KCNV2: variants seen among roughly 807,000 people sequenced by gnomAD.
The protein encoded by KCNV2 is potassium voltage-gated channel subfamily V member 2.
A neutral mutation model predicts 37.0 loss-of-function variants in KCNV2; 65 were observed. The ratio of observed to expected loss-of-function variants is 1.76; its 90% confidence interval spans 1.44 to 2.16. The LOEUF (loss-of-function observed/expected upper bound fraction) is 2.16, where lower values mean the gene tolerates loss of function less well. Among genes scored for constraint, KCNV2 ranks in the 30% most tolerant of loss-of-function variants. The pLI is 0.00. For synonymous variants in KCNV2, 518 were observed against 328.6 expected (o/e 1.58, Z -6.23); for missense variants, 1,232 against 766.7 (o/e 1.61, Z -7.17).
chr9:2,720,073 AAGTAGATTGTAAT>A (rs1819838481), intron 1 of KCNV2, among the ~76,000 whole-genome samples: 1 of 152,268 alleles, frequency 6.6e-6, no homozygotes, highest in African/African-American at 2.4e-5. Flanking sequence ...TTCTTTTGAA[AAGTAGATTGTAAT>A]ACCTTTAAAG....
Position 2,729,888 on chromosome 9 carries a change from A to G in KCNV2, c.*161A>G. The stretch of plus-strand genomic sequence containing the variant: ...CCTCTAGAAATACTCATTTTGGCCC[A>G]AACTCAGAATGTCTCATAGTTGCTC... On this transcript the variant is annotated 3_prime_UTR_variant, in exon 2 of 2. Coordinates refer to ENST00000382082, the MANE Select transcript of KCNV2 (RefSeq NM_133497.4). 1 of 723,908 alleles carries G rather than the reference A, an allele frequency of 1.4e-6. No individual in the cohort carries two copies. Among genetic ancestry groups the G allele is most frequent in the South Asian group, 1.7e-5 (1 of 58,868 alleles). The allele number at this position is 723,908 out of a possible 1,614,324, so 44.8% of individuals were successfully genotyped here. A position where few individuals can be genotyped will look rare whatever the true frequency, so the allele number is the denominator to read the frequency against.
At chr9:2,726,772 T>C (rs1563799697) in intron 1 of KCNV2, among the ~76,000 whole-genome samples, 1 of 152,034 alleles carries the variant, frequency 6.6e-6, no homozygotes, top group African/African-American at 2.4e-5. Context: ...AGGAGATGAG[T>C]GGAGGGCCAT....
Position 2,718,189 on chromosome 9 carries a change from C to T in KCNV2, c.450C>T (p.Phe150=), listed in dbSNP as rs1302233747. 1 of 1,613,396 alleles carries T rather than the reference C, an allele frequency of 6.2e-7. No individual in the cohort carries two copies. Residue 150 remains phenylalanine (F), a synonymous_variant, in exon 1 of 2, where the codon TTC becomes TTT. Coordinates refer to ENST00000382082, the MANE Select transcript of KCNV2 (RefSeq NM_133497.4). ...DDYEEQTDEY[F]FDRDPAVFQL... ...ACGAGGAGCAGACAGACGAATACTT[C>T]TTCGACCGCGACCCGGCCGTCTTCC...
In KCNV2 at chr9:2,729,690, G is replaced by GA. The variant is rs775906751; in HGVS notation, c.1603dup (p.Ser535LysfsTer21). 1.2e-6 allele frequency: 2 copies of GA among 1,614,098 alleles called. No individual in the cohort carries two copies. The highest frequency in any genetic ancestry group is 1.7e-6 in the Non-Finnish European group (2 of 1,179,994). ...AAGAAGATAGCTGAGTGTTTGCTTG[G>GA]AAGCAACCCACAGCTCACCCCAAGA... is the stretch of plus-strand genomic sequence containing the variant. On this transcript the variant is annotated frameshift_variant, in exon 2 of 2. Transcript: ENST00000382082. LOFTEE classifies it high-confidence loss of function.
Position 2,717,922 on chromosome 9 carries a change from C to G in KCNV2, c.183C>G (p.Gly61=), listed in dbSNP as rs10967705. The G allele has an allele frequency of 0.58, 933,905 of 1,613,780 alleles. 273,511 individuals carry two copies. The highest frequency in any genetic ancestry group is 0.81 in the East Asian group (36,169 of 44,842). The change falls in exon 1 of 2, where the codon GGC becomes GGG. Residue 61 remains glycine (G), a synonymous_variant. Transcript: ENST00000382082. ...YNYYIEEDED[G]EEEDQWKDDL... ...ACTACATCGAGGAAGACGAAGACGG[C>G]GAGGAGGAGGACCAGTGGAAGGACG...
rs150685794 is a variant in KCNV2, at chr9:2,718,051, T to C, written c.312T>C (p.Gly104=). The change falls in exon 1 of 2, where the codon GGT becomes GGC. Residue 104 remains glycine, a synonymous_variant. Transcript: ENST00000382082. ...TGTCCACGCTGAATGTGAACGTGGG[T>C]GGCCACAGCTACCAGCTGGACTACT... The part of the protein sequence containing the change: ...ALLSTLNVNV[G]GHSYQLDYCE... The C allele has an allele frequency of 8.6e-4, 1,380 of 1,608,950 alleles. 5 individuals carry two copies. The African/African-American group carries it at 0.016, about 19-fold the overall frequency.
In KCNV2 at chr9:2,718,098, A is replaced by T. The variant is rs1199220423; in HGVS notation, c.359A>T (p.Lys120Met). The change falls in exon 1 of 2, where the codon AAG becomes ATG. Residue 120 changes from lysine to methionine, a missense_variant. By Grantham distance (95) the Lys-to-Met change is moderately conservative (BLOSUM62 -1). Coordinates refer to ENST00000382082, the MANE Select transcript of KCNV2 (RefSeq NM_133497.4). ...TACTGCGAGCTGGCCGGCTTCCCCA[A>T]GACGCGCCTAGGTCGCCTGGCCACC... ...LDYCELAGFP[K>M]TRLGRLATST... is the part of the protein sequence containing the mutation. The T allele has an allele frequency of 1.3e-6, 2 of 1,599,818 alleles. No individual in the cohort carries two copies. Among genetic ancestry groups the T allele is most frequent in the Non-Finnish European group, 1.7e-6 (2 of 1,173,108 alleles).
At position 2,718,970 on chromosome 9, in the gene KCNV2, G is replaced by T; in HGVS notation, c.1231G>T (p.Val411Leu). ...CACGCTGCGCCAGTGCTACCAGCAG[G>T]TGGGCTGCCTGCTGCTCTTCATCGC... Reference protein sequence around the residue: ...GFTLRQCYQQVGCLLLFIAMG... With the variant: ...GFTLRQCYQQLGCLLLFIAMG... The change falls in exon 1 of 2, where the codon GTG becomes TTG. Residue 411 changes from valine (V) to leucine (L), a missense_variant. Physicochemically the swap from Val to Leu is conservative, Grantham distance 32. Coordinates refer to ENST00000382082, the MANE Select transcript of KCNV2 (RefSeq NM_133497.4). 6.2e-7 allele frequency: 1 copy of T among 1,611,322 alleles called. No homozygotes were observed. The highest frequency in any genetic ancestry group is 2.2e-5 in the East Asian group (1 of 44,876).
rs1586687305 is a variant in KCNV2 at position 2,718,542 on chromosome 9, C to T, written c.803C>T (p.Thr268Ile). Reference sequence around the variant, plus strand: ...AAGGCCATCGGGGTGGCCTCCAGCACCTTCGTGCTCGTCTCCGTGGTGGCG... The same window carrying T: ...AAGGCCATCGGGGTGGCCTCCAGCATCTTCGTGCTCGTCTCCGTGGTGGCG... ...AAKAIGVASS[T>I]FVLVSVVALA... The change falls in exon 1 of 2, where the codon ACC becomes ATC. Residue 268 changes from threonine to isoleucine, a missense_variant. Thr to Ile is a moderately conservative substitution (Grantham distance 89, BLOSUM62 -1). Coordinates refer to ENST00000382082, the MANE Select transcript of KCNV2 (RefSeq NM_133497.4). 6.2e-7 allele frequency: 1 copy of T among 1,611,806 alleles called. No homozygotes were observed. The highest frequency in any genetic ancestry group is 2.2e-5 in the East Asian group (1 of 44,808).
Position 2,718,467 on chromosome 9 carries a change from G to C in KCNV2, c.728G>C (p.Arg243Pro). 1 of 1,608,662 alleles carries C rather than the reference G, an allele frequency of 6.2e-7. No homozygotes were observed. Among genetic ancestry groups the C allele is most frequent in the Non-Finnish European group, 8.5e-7 (1 of 1,178,274 alleles). ...FRDMRFYGPQ[R>P]RRLWNLMEKP... Reference sequence around the variant, plus strand: ...GACATGCGCTTCTACGGCCCGCAGCGGCGCCGCCTCTGGAACCTCATGGAG... The same window carrying C: ...GACATGCGCTTCTACGGCCCGCAGCCGCGCCGCCTCTGGAACCTCATGGAG... The change falls in exon 1 of 2, where the codon CGG becomes CCG. Residue 243 changes from arginine (R) to proline (P), a missense_variant. By Grantham distance (103) the Arg-to-Pro change is moderately radical. Transcript: ENST00000382082.
chr9:2,729,619 C>T lies in KCNV2; in HGVS notation c.1530C>T (p.Thr510=), dbSNP rs1820031377. ...AGCTGAAGGCTTATGAGTATACCAC[C>T]ATACGCAGGGAGAGGGGAGAGGTGA... The part of the protein sequence containing the change: ...YSKLKAYEYT[T]IRRERGEVNF... The change falls in exon 2 of 2, where the codon ACC becomes ACT. Residue 510 remains threonine, a synonymous_variant. Coordinates refer to ENST00000382082, the MANE Select transcript of KCNV2 (RefSeq NM_133497.4). The T allele has an allele frequency of 3.1e-6, 5 of 1,614,050 alleles. No homozygotes were observed. The highest frequency in any genetic ancestry group is 4.2e-6 in the Non-Finnish European group (5 of 1,179,980).
intron 1 of KCNV2, among the ~76,000 whole-genome samples, chr9:2,719,818 A>T (rs12350956): frequency 0.046 from 7,050 of 152,286 alleles, 575 homozygotes; most frequent in African/African-American, 0.16. Context: ...ACCCAAGCAC[A>T]GTCTCTTTCA....
At position 2,722,362 on chromosome 9, in the gene KCNV2, A is replaced by AATAAATTAGAAGTTATTT. The variant is rs1272873203; in HGVS notation, c.1356+3274_1356+3291dup. On this transcript the variant is annotated intron_variant, in intron 1 of 1. Coordinates refer to ENST00000382082, the MANE Select transcript of KCNV2 (RefSeq NM_133497.4). The stretch of plus-strand genomic sequence containing the variant: ...ATAAATAAATTAGAAGTTATTTATA[A>AATAAATTAGAAGTTATTT]ATAAATTAGAAGTTATTTATAAATA... Among the ~76,000 whole-genome samples, 589 of 138,348 alleles carry AATAAATTAGAAGTTATTT rather than the reference A, an allele frequency of 4.3e-3. 66 individuals carry two copies. The highest frequency in any genetic ancestry group is 0.016 in the African/African-American group (554 of 34,896). 90.8% of individuals were successfully genotyped at this position (138,348 alleles called of 152,430 possible).
rs199694482 is a variant in KCNV2 at position 2,717,898 on chromosome 9, C to T, written c.159C>T (p.Tyr53=). Residue 53 remains tyrosine, a synonymous_variant, in exon 1 of 2, where the codon TAC becomes TAT. Transcript: ENST00000382082. ...GCTGGACAGAGGGCAACTATAACTA[C>T]TACATCGAGGAAGACGAAGACGGCG... The part of the protein sequence containing the change: ...IHGWTEGNYN[Y]YIEEDEDGEE... 243 of 1,614,094 alleles carry T rather than the reference C, an allele frequency of 1.5e-4. 1 individual carries two copies. The highest frequency in any genetic ancestry group is 2.0e-4 in the Non-Finnish European group (236 of 1,180,040).
intron 1 of KCNV2, among the ~76,000 whole-genome samples, chr9:2,724,957 T>C (rs1466544152): frequency 3.3e-5 from 5 of 152,208 alleles, no homozygotes; most frequent in African/African-American, 4.8e-5. Context: ...ACAGGAGCTA[T>C]AGACGGGGTA....
intron 1 of KCNV2, among the ~76,000 whole-genome samples, chr9:2,722,879 A>ATG (rs1819904829): frequency 6.6e-6 from 1 of 151,758 alleles, no homozygotes; most frequent in Non-Finnish European, 1.5e-5. Context: ...CAGCAGCCAC[A>ATG]TGTCGATGGC....
intron 1 of KCNV2, among the ~76,000 whole-genome samples, chr9:2,727,801 C>T (rs1426248112): frequency 2.0e-5 from 3 of 152,168 alleles, no homozygotes; most frequent in African/African-American, 7.2e-5. Context: ...GTAGATACCA[C>T]ACATTTCAAA....
chr9:2,720,122 C>G (rs1421740075), intron 1 of KCNV2, among the ~76,000 whole-genome samples: 1 of 152,192 alleles, frequency 6.6e-6, no homozygotes, highest in Non-Finnish European at 1.5e-5. Flanking sequence ...AACTAGTTTT[C>G]CCATGTCAGA....
chr9:2,722,555 A>T lies in KCNV2; in HGVS notation c.1356+3460A>T, dbSNP rs185154535. On this transcript the variant is annotated intron_variant, in intron 1 of 1. Coordinates refer to ENST00000382082, the MANE Select transcript of KCNV2 (RefSeq NM_133497.4). ...TATAAATAAATTAGAAGTTATTTATAAATAAATTAGAAGTTATTTATTTAT... is the reference window on the plus strand; with the variant it reads ...TATAAATAAATTAGAAGTTATTTATTAATAAATTAGAAGTTATTTATTTAT... 1.2e-4 allele frequency among the ~76,000 whole-genome samples: 16 copies of T among 136,498 alleles called. 1 individual carries two copies. Among genetic ancestry groups the T allele is most frequent in the South Asian group, 4.3e-4 (2 of 4,624 alleles). The allele number at this position is 136,498 out of a possible 152,430, so 89.5% of individuals were successfully genotyped here.
Sources: gnomAD v4.1 joint callset for allele counts (sites outside exome capture counted in the v4.1 genomes callset) on GRCh38, gnomAD v4.1.1 for gene constraint, MANE v1.5 for transcripts, NCBI Gene and HGNC (gene_info 2026-07-23, HGNC 2026-07-21) for gene names.